SGCZ: variants seen among roughly 807,000 people sequenced by gnomAD.
SGCZ encodes sarcoglycan zeta, also known as zeta-sarcoglycan.
In SGCZ, 40 loss-of-function variants were observed where a neutral mutation model predicts 41.3. The observed-to-expected ratio is 0.97, with a 90% CI of 0.75 to 1.26. The LOEUF is 1.26. Among genes scored for constraint, SGCZ ranks in the 50% most tolerant of loss-of-function variants. SGCZ has a pLI of 0.00. For synonymous variants in SGCZ, 206 were observed against 137.5 expected (o/e 1.50, Z -3.49); for missense variants, 552 against 369.8 (o/e 1.49, Z -4.04).
At chr8:14,197,092 T>A (rs533046069) in intron 4 of SGCZ, among the ~76,000 whole-genome samples, 1 of 152,284 alleles carries the variant, frequency 6.6e-6, no homozygotes, top group East Asian at 1.9e-4. Flanking sequence ...AAAATGAACA[T>A]GTTTAATATC....
chr8:14,954,010 A>G lies in SGCZ; in HGVS notation c.39+283575T>C, dbSNP rs184843556. ...CTTTACACAGTTTAAGGAAATTTATATGACAGATAAAACAGTCAATGTTGA... is the reference window on the plus strand; with the variant it reads ...CTTTACACAGTTTAAGGAAATTTATGTGACAGATAAAACAGTCAATGTTGA... On this transcript the variant is annotated intron_variant, in intron 1 of 7. Coordinates refer to ENST00000382080, the MANE Select transcript of SGCZ (RefSeq NM_139167.4). 4.1e-3 allele frequency among the ~76,000 whole-genome samples: 619 copies of G among 152,308 alleles called. 5 individuals are homozygous for G. The highest frequency in any genetic ancestry group is 0.018 in the South Asian group (85 of 4,828).
At chr8:14,370,114 T>C (rs750458943) in intron 2 of SGCZ, among the ~76,000 whole-genome samples, 3 of 151,898 alleles carry the variant, frequency 2.0e-5, no homozygotes, top group South Asian at 4.1e-4. Flanking sequence ...AGGGGTAAGA[T>C]GTAGGGGAGG....
At chr8:14,204,128 C>G (rs996497469) in intron 4 of SGCZ, among the ~76,000 whole-genome samples, 4 of 151,984 alleles carry the variant, frequency 2.6e-5, no homozygotes, top group Non-Finnish European at 4.4e-5. Context: ...GGACCGTCTT[C>G]GGCAAATTTT....
At chr8:15,109,985 T>A (rs1270084719) in intron 1 of SGCZ, among the ~76,000 whole-genome samples, 23 of 152,198 alleles carry the variant, frequency 1.5e-4, no homozygotes, top group Admixed American at 1.5e-3. Flanking sequence ...ATTTTAAAAA[T>A]AAAGGATTGC....
At chr8:14,401,135 C>A (rs1799059940) in intron 2 of SGCZ, among the ~76,000 whole-genome samples, 2 of 152,136 alleles carry the variant, frequency 1.3e-5, no homozygotes, top group Admixed American at 1.3e-4. Flanking sequence ...TAACAGGCAA[C>A]TTTGCTAGAT....
intron 5 of SGCZ, among the ~76,000 whole-genome samples, chr8:14,122,792 A>T (rs1294947349): frequency 6.6e-6 from 1 of 151,322 alleles, no homozygotes; most frequent in South Asian, 2.1e-4. Flanking sequence ...AGAAACTCAA[A>T]TATACTGTTC....
chr8:14,192,594 A>C (rs2117050114), intron 4 of SGCZ, among the ~76,000 whole-genome samples: 1 of 152,058 alleles, frequency 6.6e-6, no homozygotes, highest in East Asian at 1.9e-4. Flanking sequence ...GCTTATTATT[A>C]GCTATTTTAC....
chr8:14,953,341 C>T (rs1383812348), intron 1 of SGCZ, among the ~76,000 whole-genome samples: 3 of 152,166 alleles, frequency 2.0e-5, no homozygotes, highest in Non-Finnish European at 2.9e-5. Flanking sequence ...GTCTTGAGAA[C>T]TCTGTCACTA....
intron 1 of SGCZ, among the ~76,000 whole-genome samples, chr8:15,085,218 C>T (rs1805904970): frequency 6.6e-6 from 1 of 152,158 alleles, no homozygotes; most frequent in Non-Finnish European, 1.5e-5. Flanking sequence ...ACCCTACTCA[C>T]AGTTAATTTT....
chr8:14,788,799 G>C lies in SGCZ; in HGVS notation c.40-233873C>G, dbSNP rs1800853459. 3.3e-5 allele frequency among the ~76,000 whole-genome samples: 5 copies of C among 152,016 alleles called. No individual in the cohort carries two copies. The South Asian group carries it at 8.3e-4, about 25-fold the overall frequency. On this transcript the variant is annotated intron_variant, in intron 1 of 7. Coordinates refer to ENST00000382080, the MANE Select transcript of SGCZ (RefSeq NM_139167.4). Reference sequence around the variant, plus strand: ...GCCAGCCTCCCGTTAAAACATTTTTGTGAACTGATCAATATAAAGACTTGT... The same window carrying C: ...GCCAGCCTCCCGTTAAAACATTTTTCTGAACTGATCAATATAAAGACTTGT...
At chr8:14,977,592 A>G (rs1183439872) in intron 1 of SGCZ, among the ~76,000 whole-genome samples, 1 of 152,140 alleles carries the variant, frequency 6.6e-6, no homozygotes, top group East Asian at 1.9e-4. Flanking sequence ...TAGTAACATC[A>G]TCATTTACAT....
chr8:14,784,226 T>C (rs13270566), intron 1 of SGCZ, among the ~76,000 whole-genome samples: 2 of 148,604 alleles, frequency 1.3e-5, no homozygotes, highest in East Asian at 4.0e-4. Flanking sequence ...AATTTTTTTT[T>C]ATTTTTGTAG....
chr8:14,848,328 A>C (rs1434147717), intron 1 of SGCZ, among the ~76,000 whole-genome samples: 1 of 152,168 alleles, frequency 6.6e-6, no homozygotes, highest in Non-Finnish European at 1.5e-5. Flanking sequence ...CAGTCATTTG[A>C]CTTTTCTGTG....
intron 3 of SGCZ, among the ~76,000 whole-genome samples, chr8:14,290,415 G>A (rs1800799868): frequency 6.6e-6 from 1 of 152,032 alleles, no homozygotes; most frequent in African/African-American, 2.4e-5. Context: ...CAGAATAGGA[G>A]AATATATTTG....
At chr8:14,892,840 T>A (rs1805063962) in intron 1 of SGCZ, among the ~76,000 whole-genome samples, 4 of 152,186 alleles carry the variant, frequency 2.6e-5, no homozygotes, top group Non-Finnish European at 5.9e-5. Context: ...AACTATATGA[T>A]CTCTATGTTC....
Position 14,363,546 on chromosome 8 carries a change from T to C in SGCZ, c.235-39342A>G, listed in dbSNP as rs550450331. Among the ~76,000 whole-genome samples, 10 of 152,160 alleles carry C rather than the reference T, an allele frequency of 6.6e-5. No individual in the cohort carries two copies. The South Asian group carries it at 1.0e-3, about 16-fold the overall frequency. On this transcript the variant is annotated intron_variant, in intron 2 of 7. Transcript: ENST00000382080. ...CTTTTCTTTTCTTCTTCTTTTTTTT[T>C]CCCCCAAGCAGCAGTTTACTTTTAA...
At chr8:14,252,670 A>G (rs1342234550) in intron 3 of SGCZ, among the ~76,000 whole-genome samples, 1 of 152,146 alleles carries the variant, frequency 6.6e-6, no homozygotes, top group Non-Finnish European at 1.5e-5. Context: ...GAGATAATAT[A>G]AAGTCGAGGG....
chr8:14,626,098 A>G (rs1008157854), intron 1 of SGCZ, among the ~76,000 whole-genome samples: 26 of 152,204 alleles, frequency 1.7e-4, no homozygotes, highest in African/African-American at 5.8e-4. Context: ...AATGATTAAC[A>G]TAACACAGAG....
At chr8:14,880,492 A>T (rs1391465237) in intron 1 of SGCZ, among the ~76,000 whole-genome samples, 3 of 152,168 alleles carry the variant, frequency 2.0e-5, no homozygotes, top group African/African-American at 7.2e-5. Context: ...TGCTATAAAG[A>T]CACACGCACA....
Sources: allele counts gnomAD v4.1 joint callset (sites outside exome capture counted in the v4.1 genomes callset), GRCh38; gene constraint gnomAD v4.1.1; transcripts MANE v1.5; gene names NCBI Gene and HGNC (gene_info 2026-07-23, HGNC 2026-07-21).